FAM47E: variants seen among roughly 807,000 people sequenced by gnomAD.
FAM47E encodes family with sequence similarity 47 member E, also known as protein FAM47E.
FAM47E carries 32 observed loss-of-function variants against 41.6 expected under a neutral mutation model. That is an observed-to-expected ratio of 0.77 (90% CI 0.58 to 1.03). The LOEUF (loss-of-function observed/expected upper bound fraction) is 1.03. Among genes scored for constraint, FAM47E ranks in the 50% least tolerant of loss-of-function variants. The pLI is 0.00. For synonymous variants in FAM47E, 184 were observed against 188.7 expected (o/e 0.98, Z 0.20); for missense variants, 424 against 485.4 (o/e 0.87, Z 1.19).
chr4:76,280,259 T>C lies in FAM47E; in HGVS notation c.1027-5T>C. On this transcript the variant is annotated splice_region_variant and splice_polypyrimidine_tract_variant and intron_variant, in intron 6 of 7. Transcript: ENST00000424749. Reference sequence around the variant, plus strand: ...CCCTTTCTTCAAATGTGGGTACTCTTTTAGGAGGAGTTACTTGCAGACCTT... The same window carrying C: ...CCCTTTCTTCAAATGTGGGTACTCTCTTAGGAGGAGTTACTTGCAGACCTT... 6.5e-7 allele frequency: 1 copy of C among 1,543,524 alleles called. No homozygotes were observed. The highest frequency in any genetic ancestry group is 1.2e-5 in the South Asian group (1 of 83,756).
intron 2 of FAM47E, among the ~76,000 whole-genome samples, chr4:76,244,489 C>A (rs894065748): frequency 6.6e-6 from 1 of 151,188 alleles, no homozygotes; most frequent in Non-Finnish European, 1.5e-5. Context: ...TCTCTAATGA[C>A]CAGTGATGAG....
intron 7 of FAM47E, chr4:76,282,971 T>C (rs1735420685): frequency 6.3e-6 from 1 of 157,974 alleles, no homozygotes; most frequent in Admixed American, 6.2e-5. Flanking sequence ...TAACCTCCTG[T>C]GTACATTCAC....
intron 2 of FAM47E, chr4:76,234,294 TTCAC>T (rs749550581): frequency 2.6e-5 from 4 of 152,554 alleles, no homozygotes; most frequent in Non-Finnish European, 4.4e-5. Context: ...TTTGAGTCAT[TTCAC>T]TCACCGCTTC....
chr4:76,254,936 G>GCGC (rs1326831467), intron 1 of FAM47E, among the ~76,000 whole-genome samples: 1 of 152,106 alleles, frequency 6.6e-6, no homozygotes. Flanking sequence ...TGCTAACAGG[G>GCGC]CGCTGGTGGA....
At chr4:76,225,153 A>T (rs1733372935) in intron 2 of FAM47E, among the ~76,000 whole-genome samples, 1 of 152,180 alleles carries the variant, frequency 6.6e-6, no homozygotes, top group Non-Finnish European at 1.5e-5. Flanking sequence ...ATTCCATAGT[A>T]AATATATATA....
intron 5 of FAM47E, 70 bp downstream of exon 5, chr4:76,271,838 A>G: frequency 6.8e-7 from 1 of 1,480,038 alleles, no homozygotes; most frequent in South Asian, 1.4e-5. Context: ...AAAGTTCTTG[A>G]ATTCTGATGT....
intron 1 of FAM47E, among the ~76,000 whole-genome samples, chr4:76,253,432 A>G (rs555779261): frequency 7.2e-5 from 11 of 152,306 alleles, no homozygotes; most frequent in African/African-American, 2.6e-4. Flanking sequence ...GGAAATATCC[A>G]TATATCATGT....
At chr4:76,229,596 T>C (rs1733458473) in intron 2 of FAM47E, among the ~76,000 whole-genome samples, 1 of 152,148 alleles carries the variant, frequency 6.6e-6, no homozygotes, top group Admixed American at 6.5e-5. Context: ...CTGAACTGAA[T>C]GATTATTATT....
chr4:76,250,277 T>C (rs377284021), upstream of FAM47E, among the ~76,000 whole-genome samples: 1 of 152,316 alleles, frequency 6.6e-6, no homozygotes, highest in East Asian at 1.9e-4. Flanking sequence ...TGGTATTACA[T>C]TGTGGTTTTG....
At chr4:76,234,019 T>A (rs1733538369) in intron 2 of FAM47E, among the ~76,000 whole-genome samples, 1 of 152,146 alleles carries the variant, frequency 6.6e-6, no homozygotes, top group Non-Finnish European at 1.5e-5. Context: ...GGGAGACAAG[T>A]TTAATTGCTG....
chr4:76,249,494 T>C (rs1733904521), upstream of FAM47E, among the ~76,000 whole-genome samples: 1 of 152,164 alleles, frequency 6.6e-6, no homozygotes, highest in South Asian at 2.1e-4. Flanking sequence ...CTTTTTCTTC[T>C]TTTTGTCACA....
Position 76,256,356 on chromosome 4 carries a change from C to T in FAM47E, c.253C>T (p.Leu85=), listed in dbSNP as rs1328049671. 3 of 1,551,668 alleles carry T rather than the reference C, an allele frequency of 1.9e-6. No homozygotes were observed. Among genetic ancestry groups the T allele is most frequent in the Non-Finnish European group, 2.6e-6 (3 of 1,147,054 alleles). ...CCAGATTTATCACAGAGCTCCCCAA[C>T]TGGCCCCAAAGAAGAGGCAGATCAA... is the stretch of plus-strand genomic sequence containing the variant. ...LPQIYHRAPQ[L]APKKRQIKLL... The change falls in exon 2 of 8, where the codon CTG becomes TTG. Residue 85 remains leucine (L), a synonymous_variant. Coordinates refer to ENST00000424749, the MANE Select transcript of FAM47E (RefSeq NM_001136570.3).
chr4:76,281,528 A>G (rs986596680), intron 7 of FAM47E: 1 of 151,886 alleles, frequency 6.6e-6, no homozygotes, highest in African/African-American at 2.4e-5. Context: ...TTACATAATT[A>G]TGTGTTTACG....
intron 1 of FAM47E, chr4:76,214,450 G>C: frequency 2.6e-6 from 1 of 381,496 alleles, no homozygotes; most frequent in South Asian, 1.9e-5. Context: ...GGGGGTGAAA[G>C]AGCAAAACCT....
rs1482492875 is a variant in FAM47E, at chr4:76,283,402, G to A, written c.1126G>A (p.Gly376Arg). ...TPRFLENMYI[G>R]KECKRACNKT... Reference sequence around the variant, plus strand: ...TTAGTTCCTTGAGAATATGTATATCGGGAAGGAATGTAAACGTGCATGTAA... The same window carrying A: ...TTAGTTCCTTGAGAATATGTATATCAGGAAGGAATGTAAACGTGCATGTAA... Residue 376 changes from glycine to arginine, a missense_variant, in exon 8 of 8, where the codon GGG becomes AGG. Coordinates refer to ENST00000424749, the MANE Select transcript of FAM47E (RefSeq NM_001136570.3). The A allele has an allele frequency of 4.5e-6, 7 of 1,546,142 alleles. No individual in the cohort carries two copies. In the East Asian group the frequency reaches 7.3e-5, roughly 16 times the overall value.
intron 2 of FAM47E, among the ~76,000 whole-genome samples, chr4:76,226,949 A>C (rs1418985037): frequency 6.6e-6 from 1 of 151,750 alleles, no homozygotes; most frequent in Non-Finnish European, 1.5e-5. Context: ...TGGTCTATCA[A>C]TTTTGTTTAT....
Position 76,256,254 on chromosome 4 carries a change from G to C in FAM47E, c.151G>C (p.Gly51Arg), listed in dbSNP as rs946201510. 6 of 1,551,702 alleles carry C rather than the reference G, an allele frequency of 3.9e-6. No individual in the cohort carries two copies. Among genetic ancestry groups the C allele is most frequent in the African/African-American group, 1.4e-5 (1 of 73,134 alleles). Residue 51 changes from glycine (G) to arginine (R), a missense_variant, in exon 2 of 8, where the codon GGG (glycine) becomes CGG (arginine). Gly to Arg is a moderately radical substitution (Grantham distance 125). Coordinates refer to ENST00000424749, the MANE Select transcript of FAM47E (RefSeq NM_001136570.3). The part of the protein sequence containing the change: ...HSRQLVFPRK[G>R]LDDFRKGCPP... ...CCGGCAGTTGGTATTTCCAAGAAAGGGGCTGGACGACTTCAGGAAGGGCTG... is the reference window on the plus strand; with the variant it reads ...CCGGCAGTTGGTATTTCCAAGAAAGCGGCTGGACGACTTCAGGAAGGGCTG...
chr4:76,252,911 A>G (rs1249119044), intron 1 of FAM47E, among the ~76,000 whole-genome samples: 1 of 152,160 alleles, frequency 6.6e-6, no homozygotes, highest in Non-Finnish European at 1.5e-5. Flanking sequence ...CTTGGATTTT[A>G]TCAGCTCTTA....
Position 76,251,759 on chromosome 4 carries a change from A to G in FAM47E, c.13A>G (p.Arg5Gly). 2.0e-6 allele frequency: 3 copies of G among 1,485,414 alleles called. No homozygotes were observed. Among genetic ancestry groups the G allele is most frequent in the South Asian group, 2.5e-5 (2 of 78,780 alleles). 92.0% of individuals were successfully genotyped at this position (1,485,414 alleles called of 1,614,324 possible). A position where few individuals can be genotyped will look rare whatever the true frequency, so the allele number is the denominator to read the frequency against. MADR[R>G]RRLRPGTLAP... ...AGCTAGGGCCACCATGGCGGACCGC[A>G]GGCGGCGGCTCCGGCCGGGGACGTT... Residue 5 changes from arginine (R) to glycine (G), a missense_variant, in exon 1 of 8, where the codon AGG becomes GGG. Transcript: ENST00000424749.
Sources: allele counts gnomAD v4.1 joint callset (sites outside exome capture counted in the v4.1 genomes callset), GRCh38; gene constraint gnomAD v4.1.1; transcripts MANE v1.5; gene names NCBI Gene and HGNC (gene_info 2026-07-23, HGNC 2026-07-21).